Variants in DGKZ observed in about 807,000 individuals in gnomAD.
The protein encoded by DGKZ is diacylglycerol kinase zeta.
In DGKZ, 45 loss-of-function variants were observed where a neutral mutation model predicts 142.5. The ratio of observed to expected loss-of-function variants is 0.32; its 90% confidence interval spans 0.25 to 0.40. The LOEUF (loss-of-function observed/expected upper bound fraction) is 0.40. DGKZ is among the 10% of genes least tolerant of loss of function. DGKZ has a pLI of 1.00. For missense variants in DGKZ, 755 were observed against 1,306.5 expected (o/e 0.58, Z 6.51); for synonymous variants, 442 against 527.0 (o/e 0.84, Z 2.21).
chr11:46,338,051 A>G (rs1226920554), intron 1 of DGKZ, among the ~76,000 whole-genome samples: 1 of 152,196 alleles, frequency 6.6e-6, no homozygotes, highest in East Asian at 1.9e-4. Context: ...CGACTCTGCC[A>G]TTGTGGTGCA....
intron 1 of DGKZ, among the ~76,000 whole-genome samples, chr11:46,353,285 C>T (rs960470864): frequency 1.3e-5 from 2 of 152,206 alleles, no homozygotes; most frequent in African/African-American, 2.4e-5. Flanking sequence ...GACATTGGGC[C>T]ACTCTACTTA....
chr11:46,373,964 A>C (rs915739259), intron 14 of DGKZ, among the ~76,000 whole-genome samples, 193 bp from the exon 15 acceptor site: 3 of 152,270 alleles, frequency 2.0e-5, no homozygotes, highest in Admixed American at 6.5e-5. Flanking sequence ...CACGCAGGGA[A>C]ATCCCCCAGG....
rs1272624543 is a variant in DGKZ, at chr11:46,372,773, G to A, written c.1074G>A (p.Val358=). 1 of 1,606,730 alleles carries A rather than the reference G, an allele frequency of 6.2e-7. No homozygotes were observed. Among genetic ancestry groups the A allele is most frequent in the Non-Finnish European group, 8.5e-7 (1 of 1,176,852 alleles). The change falls in exon 13 of 31, where the codon GTG becomes GTA. Residue 358 remains valine (V), a splice_region_variant and synonymous_variant. Coordinates refer to ENST00000527911, the Ensembl canonical transcript of DGKZ. The surrounding 1 kb of genome is among the most constrained non-coding windows in gnomAD (Gnocchi z 5.9). ...TGCCTCTGTTCTTCCTCCCCCAGGT[G>A]GGCTGGATCCTCTCCACCCTGGACC...
chr11:46,362,372 G>GTGT (rs1385317278), intron 1 of DGKZ, among the ~76,000 whole-genome samples: 1 of 152,170 alleles, frequency 6.6e-6, no homozygotes, highest in East Asian at 1.9e-4. Flanking sequence ...GACACCTGTG[G>GTGT]CCGGCTCTGT....
At position 46,374,854 on chromosome 11, in the gene DGKZ, A is replaced by T. The variant is rs770806151; in HGVS notation, c.1598+15A>T. ...AACATCCCCAGGTGAGGAGGGGGCT[A>T]CCGGAGCTGGGGGGAGCCCTGCTGT... On this transcript the variant is annotated intron_variant, in intron 18 of 30. Coordinates refer to ENST00000527911, the Ensembl canonical transcript of DGKZ. The T allele has an allele frequency of 3.2e-6, 5 of 1,585,968 alleles. No individual in the cohort carries two copies. Among genetic ancestry groups the T allele is most frequent in the Non-Finnish European group, 4.3e-6 (5 of 1,162,470 alleles).
At position 46,367,726 on chromosome 11, in the gene DGKZ, G is replaced by A. The variant is rs376604788; in HGVS notation, c.345G>A (p.Gln115=). 1.2e-6 allele frequency: 2 copies of A among 1,613,176 alleles called. No individual in the cohort carries two copies. The highest frequency in any genetic ancestry group is 2.7e-5 in the African/African-American group (2 of 74,940). The change falls in exon 3 of 31, where the codon CAG becomes CAA. Residue 115 remains glutamine, a synonymous_variant. Transcript: ENST00000527911. The surrounding 1 kb of genome is among the most constrained non-coding windows in gnomAD (Gnocchi z 4.1). Reference sequence around the variant, plus strand: ...GGGACTTCTGCTACGTTGGGGAGCAGTACTGTGTAGCCAGGATGCTGGTGA... The same window carrying A: ...GGGACTTCTGCTACGTTGGGGAGCAATACTGTGTAGCCAGGATGCTGGTGA...
chr11:46,365,546 T>A, intron 1 of DGKZ: 1 of 985,386 alleles, frequency 1.0e-6, no homozygotes, highest in Non-Finnish European at 1.2e-6. Flanking sequence ...AGACAGTGAC[T>A]CTCCAGTTCC....
chr11:46,333,609 G>C, intron 1 of DGKZ: 2 of 888,040 alleles, frequency 2.3e-6, no homozygotes, highest in Non-Finnish European at 3.5e-6. Flanking sequence ...AGAGATGACT[G>C]CCGAGGGATC....
intron 27 of DGKZ, 182 bp from the exon 28 acceptor site, chr11:46,378,809 G>C: frequency 9.4e-7 from 1 of 1,062,580 alleles, no homozygotes; most frequent in Non-Finnish European, 1.4e-6. Context: ...ACAGGCTGTG[G>C]GGTGAGAGGC....
chr11:46,367,341 C>A lies in DGKZ; in HGVS notation c.212C>A (p.Thr71Asn), dbSNP rs748207784. 3.7e-6 allele frequency: 6 copies of A among 1,612,994 alleles called. 1 individual carries two copies. In the South Asian group the frequency reaches 4.4e-5, roughly 12 times the overall value. ...CAGCACCTGGCCCCCCCTCCGCCCACCCCTGGGGCCCCGTGCAGCGAGTCA... is the reference window on the plus strand; with the variant it reads ...CAGCACCTGGCCCCCCCTCCGCCCAACCCTGGGGCCCCGTGCAGCGAGTCA... The change falls in exon 2 of 31, where the codon ACC becomes AAC. Residue 71 changes from threonine (T) to asparagine (N), a missense_variant. By Grantham distance (65) the Thr-to-Asn change is moderately conservative (BLOSUM62 0). Around this residue, in one of 8 missense-constraint regions of DGKZ, gnomAD observed 81 missense variants for 86.5 expected, o/e 0.94. Transcript: ENST00000527911. The surrounding 1 kb of genome is among the most constrained non-coding windows in gnomAD (Gnocchi z 4.1).
At chr11:46,369,514 G>A (rs778100454) in exon 5 of DGKZ, 20 of 1,613,714 alleles carry the variant, frequency 1.2e-5, no homozygotes, top group African/African-American at 8.0e-5. Flanking sequence ...GCTGTAAGCC[G>A]TCCTTCCGTG....
At chr11:46,353,403 C>T (rs762589625) in intron 1 of DGKZ, among the ~76,000 whole-genome samples, 2 of 152,278 alleles carry the variant, frequency 1.3e-5, no homozygotes, top group East Asian at 1.9e-4. Flanking sequence ...CCGGTGCCAA[C>T]GGTGTGAGAC....
At chr11:46,360,053 G>A (rs971799928) in intron 1 of DGKZ, among the ~76,000 whole-genome samples, 11 of 152,136 alleles carry the variant, frequency 7.2e-5, no homozygotes, top group South Asian at 6.2e-4. Flanking sequence ...GTAACTACAT[G>A]TCTGTGTGAG....
At chr11:46,361,303 C>G (rs746222102) in intron 1 of DGKZ, among the ~76,000 whole-genome samples, 11 of 152,190 alleles carry the variant, frequency 7.2e-5, no homozygotes, top group Non-Finnish European at 1.2e-4. Flanking sequence ...CTTCTCCCTC[C>G]TTAGACCTCG....
chr11:46,345,527 A>G, upstream of DGKZ: 1 of 1,525,396 alleles, frequency 6.6e-7, no homozygotes, highest in South Asian at 1.2e-5. This position sits in a 1 kb window ranked among gnomAD's most constrained non-coding sequence, Gnocchi z 4.1. Flanking sequence ...ACTGAGGCAG[A>G]TGTGGCGCTA....
At position 46,366,670 on chromosome 11, in the gene DGKZ, C is replaced by T. The variant is rs2087360; in HGVS notation, c.162-621C>T. 3,668 of 1,589,448 alleles carry T rather than the reference C, an allele frequency of 2.3e-3. 75 individuals carry two copies. The African/African-American group carries it at 0.043, about 19-fold the overall frequency. On this transcript the variant is annotated intron_variant, in intron 1 of 30. Transcript: ENST00000527911. ...CATCGAGCGCCATCCAGCCAGGCAC[C>T]AAGACACCAGGGCCACCCCCACCTC...
In DGKZ at chr11:46,377,066, C is replaced by T. The variant is rs1944635987; in HGVS notation, c.2203-7C>T. The stretch of plus-strand genomic sequence containing the variant: ...CCCTGACCTCCCGCCCTGACCTCCC[C>T]CCACAGGAGCACCTCAACTATGTGA... On this transcript the variant is annotated splice_region_variant and splice_polypyrimidine_tract_variant and intron_variant, in intron 24 of 30. Coordinates refer to ENST00000527911, the Ensembl canonical transcript of DGKZ. 1 of 1,612,682 alleles carries T rather than the reference C, an allele frequency of 6.2e-7. No homozygotes were observed. Among genetic ancestry groups the T allele is most frequent in the East Asian group, 2.2e-5 (1 of 44,880 alleles).
rs1291061701 is a variant in DGKZ, at chr11:46,367,461, C to T, written c.270+62C>T. The T allele has an allele frequency of 1.2e-5, 19 of 1,548,238 alleles. No homozygotes were observed. The highest frequency in any genetic ancestry group is 1.8e-5 in the Admixed American group (1 of 56,294). On this transcript the variant is annotated intron_variant, in intron 2 of 30. Transcript: ENST00000527911. This position sits in a 1 kb window ranked among gnomAD's most constrained non-coding sequence, Gnocchi z 4.1. ...GGGCTCTTGGCCAAGGCGCAGCTGG[C>T]GGGTGGAGGCACTAAAGGCAGCTGG...
exon 20 of DGKZ, chr11:46,375,586 T>C (rs1274625471): frequency 1.3e-6 from 2 of 1,591,090 alleles, no homozygotes; most frequent in Non-Finnish European, 1.7e-6. Context: ...CAGGCCACCA[T>C]GGTGCAGAAG....
Sources: gnomAD v4.1 joint callset for allele counts (sites outside exome capture counted in the v4.1 genomes callset) on GRCh38, gnomAD v4.1.1 for gene constraint, gnomAD v4.1.1 regional missense constraint, Gnocchi (gnomAD v3.1) non-coding constraint, MANE v1.5 for transcripts, NCBI Gene and HGNC (gene_info 2026-07-23, HGNC 2026-07-21) for gene names.